RIMS3: variants seen among roughly 807,000 people sequenced by gnomAD.
RIMS3 encodes regulating synaptic membrane exocytosis 3.
Under a neutral mutation model 29.2 loss-of-function variants are expected in RIMS3, and 15 were observed. The ratio of observed to expected loss-of-function variants is 0.51; its 90% confidence interval spans 0.34 to 0.79. The LOEUF (loss-of-function observed/expected upper bound fraction) is 0.79. RIMS3 is among the 30% of genes least tolerant of loss of function. The pLI, the probability that RIMS3 is intolerant of heterozygous loss-of-function variation, is 0.01. For synonymous variants in RIMS3, 161 were observed against 170.1 expected (o/e 0.95, Z 0.41); for missense variants, 342 against 421.4 (o/e 0.81, Z 1.65).
intron 1 of RIMS3, among the ~76,000 whole-genome samples, chr1:40,664,826 C>G (rs574676289): frequency 7.5e-4 from 114 of 152,268 alleles, no homozygotes; most frequent in Non-Finnish European, 1.5e-3. Flanking sequence ...TCCTGCCAAG[C>G]CTCCCTGAAC....
chr1:40,642,401 G>A (rs1389699754), intron 2 of RIMS3, among the ~76,000 whole-genome samples: 2 of 152,194 alleles, frequency 1.3e-5, no homozygotes, highest in Admixed American at 1.3e-4. Flanking sequence ...GAAATATTCA[G>A]TAAGTATTGG....
chr1:40,633,536 T>C (rs758208065), intron 4 of RIMS3, among the ~76,000 whole-genome samples: 7 of 152,242 alleles, frequency 4.6e-5, no homozygotes, highest in Non-Finnish European at 7.3e-5. Flanking sequence ...ACCAGAGACA[T>C]AGGTCAGAAA....
chr1:40,653,668 A>C (rs1257945623), intron 1 of RIMS3, among the ~76,000 whole-genome samples: 1 of 152,182 alleles, frequency 6.6e-6, no homozygotes, highest in Non-Finnish European at 1.5e-5. Context: ...CAATTTCCAC[A>C]CATGCAACTA....
Position 40,636,111 on chromosome 1 carries a change from G to A in RIMS3, c.218-54C>T, listed in dbSNP as rs1646518223. The A allele has an allele frequency of 1.3e-6, 2 of 1,593,840 alleles. No homozygotes were observed. The highest frequency in any genetic ancestry group is 2.7e-5 in the African/African-American group (2 of 74,770). On this transcript the variant is annotated intron_variant, in intron 3 of 7. Coordinates refer to ENST00000372684, the MANE Select transcript of RIMS3 (RefSeq NM_014747.3). The surrounding 1 kb of genome is among the most constrained non-coding windows in gnomAD (Gnocchi z 4.2). ...GAGGGAACAAGGTCAGATTATGAATGGGGCTTCTCTAAGAGTCCTGCCAAA... is the reference window on the plus strand; with the variant it reads ...GAGGGAACAAGGTCAGATTATGAATAGGGCTTCTCTAAGAGTCCTGCCAAA...
At chr1:40,672,538 T>C in the RIMS3 span, among the ~76,000 whole-genome samples, 2 of 152,156 alleles carry the variant, frequency 1.3e-5, no homozygotes, top group Admixed American at 1.3e-4. Context: ...CAAACACGCA[T>C]AGGATTCCAA....
chr1:40,671,761 T>C, the RIMS3 span, among the ~76,000 whole-genome samples: 133 of 148,780 alleles, frequency 8.9e-4, no homozygotes, highest in Middle Eastern at 0.01. Flanking sequence ...TCTTTTCTTT[T>C]TTTTTTTTTT....
chr1:40,626,869 T>C (rs1646458099), intron 7 of RIMS3, 140 bp from the exon 8 acceptor site: 1 of 742,044 alleles, frequency 1.3e-6, no homozygotes, highest in Admixed American at 2.0e-5. Context: ...CACACAATAA[T>C]TTACTGAGCA....
At chr1:40,630,150 G>A (rs2148344376) in intron 5 of RIMS3, among the ~76,000 whole-genome samples, 1 of 152,084 alleles carries the variant, frequency 6.6e-6, no homozygotes, top group East Asian at 1.9e-4. Context: ...AACCTGCCCA[G>A]GACACGAGGC....
chr1:40,626,804 C>A, intron 7 of RIMS3, 75 bp from the exon 8 acceptor site: 3 of 1,365,052 alleles, frequency 2.2e-6, no homozygotes, highest in Admixed American at 1.7e-5. Flanking sequence ...TAGGAACCTA[C>A]ACGTTTCAGC....
intron 5 of RIMS3, among the ~76,000 whole-genome samples, chr1:40,631,748 G>A (rs950454175): frequency 2.0e-5 from 3 of 151,758 alleles, no homozygotes; most frequent in Admixed American, 6.6e-5. Context: ...GGGAGGCTGA[G>A]GTGGATGAGG....
rs200594760 is a variant in RIMS3, at chr1:40,626,578, G to C, written c.866C>G (p.Ser289Cys). 6.2e-7 allele frequency: 1 copy of C among 1,613,956 alleles called. No individual in the cohort carries two copies. Among genetic ancestry groups the C allele is most frequent in the Non-Finnish European group, 8.5e-7 (1 of 1,179,952 alleles). The stretch of plus-strand genomic sequence containing the variant: ...AGACTGGGACAGGCGCCTGGTGAGG[G>C]ATCCGAGTGTGGAGTCTGCCACTGA... Reference protein sequence around the residue: ...TSSVADSTLGSLTRRLSQSSL... With the variant: ...TSSVADSTLGCLTRRLSQSSL... The change falls in exon 8 of 8, where the codon TCC (serine) becomes TGC (cysteine). Residue 289 changes from serine (S) to cysteine (C), a missense_variant. By Grantham distance (112) the Ser-to-Cys change is moderately radical (BLOSUM62 -1). Coordinates refer to ENST00000372684, the MANE Select transcript of RIMS3 (RefSeq NM_014747.3).
rs905519645 is a variant in RIMS3, at chr1:40,623,171, G to T, written c.*3346C>A. On this transcript the variant is annotated 3_prime_UTR_variant, in exon 8 of 8. Transcript: ENST00000372684. ...TCAGCCCCCATGAAATGCTGGCATT[G>T]CCTGGGACTTGCTGCATCCCAAGAG... 5 of 369,636 alleles carry T rather than the reference G, an allele frequency of 1.4e-5. No individual in the cohort carries two copies. Among genetic ancestry groups the T allele is most frequent in the African/African-American group, 1.0e-4 (5 of 48,060 alleles). 22.9% of individuals were successfully genotyped at this position (369,636 alleles called of 1,614,324 possible). A position where few individuals can be genotyped will look rare whatever the true frequency, so the allele number is the denominator to read the frequency against.
intron 2 of RIMS3, among the ~76,000 whole-genome samples, chr1:40,643,493 T>G (rs1646574046): frequency 6.6e-6 from 1 of 151,232 alleles, no homozygotes; most frequent in Admixed American, 6.6e-5. Context: ...TTTTTTTTTT[T>G]TGAGATGGAG....
chr1:40,627,864 C>T (rs1356216229), intron 7 of RIMS3, among the ~76,000 whole-genome samples: 2 of 152,222 alleles, frequency 1.3e-5, no homozygotes, highest in East Asian at 1.9e-4. Context: ...CTCAGTCTCC[C>T]GAGTCTCTGG....
At chr1:40,650,567 A>G (rs1213239760) in intron 1 of RIMS3, among the ~76,000 whole-genome samples, 1 of 152,032 alleles carries the variant, frequency 6.6e-6, no homozygotes, top group African/African-American at 2.4e-5. Flanking sequence ...TCAGTCCTCA[A>G]AAGTACCACC....
chr1:40,630,908 C>A lies in RIMS3; in HGVS notation c.473-1536G>T, dbSNP rs185959829. ...AGCCTTTGCTTTCAGCTGATCCTTG[C>A]CCTCTGAGGGTCCCCATCATCTCCT... On this transcript the variant is annotated intron_variant, in intron 5 of 7. Coordinates refer to ENST00000372684, the MANE Select transcript of RIMS3 (RefSeq NM_014747.3). 9.6e-4 allele frequency among the ~76,000 whole-genome samples: 146 copies of A among 152,298 alleles called. 2 individuals carry two copies. In the East Asian group the frequency reaches 0.019, roughly 20 times the overall value.
At position 40,626,516 on chromosome 1, in the gene RIMS3, C is replaced by A. The variant is rs1335663437; in HGVS notation, c.*1G>T. The A allele has an allele frequency of 1.2e-6, 2 of 1,601,550 alleles. No homozygotes were observed. Among genetic ancestry groups the A allele is most frequent in the Non-Finnish European group, 1.7e-6 (2 of 1,173,948 alleles). On this transcript the variant is annotated 3_prime_UTR_variant, in exon 8 of 8. Coordinates refer to ENST00000372684, the MANE Select transcript of RIMS3 (RefSeq NM_014747.3). ...ACCATCCTGGCCTCTTCCTGACATC[C>A]TTAAGAGCATGAGGGGCTGGTGGCA...
chr1:40,627,091 C>A (rs1386822077), intron 7 of RIMS3, among the ~76,000 whole-genome samples: 1 of 152,150 alleles, frequency 6.6e-6, no homozygotes, highest in Non-Finnish European at 1.5e-5. Context: ...AGCCTCCCAG[C>A]ATTTCAGATA....
chr1:40,667,334 A>C (rs1642438923), upstream of RIMS3, among the ~76,000 whole-genome samples: 2 of 151,950 alleles, frequency 1.3e-5, no homozygotes, highest in African/African-American at 4.8e-5. Flanking sequence ...TGGAGCAGCA[A>C]GGGGGACTAG....
Sources: allele counts gnomAD v4.1 joint callset (sites outside exome capture counted in the v4.1 genomes callset), GRCh38; gene constraint gnomAD v4.1.1; non-coding constraint Gnocchi (gnomAD v3.1); transcripts MANE v1.5; gene names NCBI Gene and HGNC (gene_info 2026-07-23, HGNC 2026-07-21).